The following PARD6G variants were observed in gnomAD, a reference collection of about 807,000 sequenced individuals.
PARD6G encodes the protein partitioning defective 6 homolog gamma.
PARD6G carries 7 observed loss-of-function variants against 10.7 expected under a neutral mutation model. That is an observed-to-expected ratio of 0.66 (90% confidence interval 0.37 to 1.23). The LOEUF is 1.23. PARD6G is among the 50% of genes most tolerant of loss of function. The pLI is 0.02. For missense variants in PARD6G, 548 were observed against 571.8 expected (o/e 0.96, Z 0.42); for synonymous variants, 287 against 269.4 (o/e 1.07, Z -0.64).
In PARD6G at chr18:80,192,506, CGGGGG is replaced by C. The variant is rs1568433594; in HGVS notation, c.295+10199_295+10203del. 6.8e-6 allele frequency among the ~76,000 whole-genome samples: 1 copy of C among 147,152 alleles called. No individual in the cohort carries two copies. Among genetic ancestry groups the C allele is most frequent in the African/African-American group, 2.5e-5 (1 of 39,854 alleles). ...GGTGCCACGGCGGGAGCCCAGGGGA[CGGGGG>C]AGAGCAGGTGCCACGGCGGGAGCCC... On this transcript the variant is annotated intron_variant, in intron 2 of 2. Coordinates refer to ENST00000353265, the MANE Select transcript of PARD6G (RefSeq NM_032510.4). This position sits in a 1 kb window ranked among gnomAD's most constrained non-coding sequence, Gnocchi z 4.9.
intron 1 of PARD6G, among the ~76,000 whole-genome samples, chr18:80,226,029 ACT>A (rs1206341244): frequency 5.3e-5 from 8 of 151,678 alleles, no homozygotes; most frequent in Non-Finnish European, 1.2e-4. Context: ...AGGATCATAC[ACT>A]GTTATATTTT....
chr18:80,235,188 C>T (rs891008178), intron 1 of PARD6G, among the ~76,000 whole-genome samples: 18 of 152,134 alleles, frequency 1.2e-4, no homozygotes, highest in African/African-American at 4.3e-4. Flanking sequence ...CAAACTAGAA[C>T]TCAGGATTAA....
chr18:80,225,145 G>C (rs142142042), intron 1 of PARD6G, among the ~76,000 whole-genome samples: 1 of 152,188 alleles, frequency 6.6e-6, no homozygotes, highest in Non-Finnish European at 1.5e-5. Flanking sequence ...CTGCGGCACC[G>C]TTTCTCAGTC....
chr18:80,210,647 TAA>T (rs1041046529), intron 1 of PARD6G, among the ~76,000 whole-genome samples: 1 of 152,004 alleles, frequency 6.6e-6, no homozygotes, highest in African/African-American at 2.4e-5. Flanking sequence ...GATCAAAGTT[TAA>T]AAAAAAGTTT....
chr18:80,220,803 GT>G (rs1365285117), intron 1 of PARD6G, among the ~76,000 whole-genome samples: 1 of 151,990 alleles, frequency 6.6e-6, no homozygotes, highest in Non-Finnish European at 1.5e-5. Context: ...TAGAGATGGA[GT>G]TTCACCATGT....
chr18:80,161,326 T>TCTC lies in PARD6G; in HGVS notation c.296-723_296-721dup, dbSNP rs1284058598. The stretch of plus-strand genomic sequence containing the variant: ...CAGCCTCCCATGGGGGCTGTGCAGC[T>TCTC]CTCTTCCTCAGGTCTCCCAGGGACC... On this transcript the variant is annotated intron_variant, in intron 2 of 2. Transcript: ENST00000353265. The surrounding 1 kb of genome is among the most constrained non-coding windows in gnomAD (Gnocchi z 4.6). Among the ~76,000 whole-genome samples the TCTC allele has an allele frequency of 6.6e-6, 1 of 152,074 alleles. No homozygotes were observed. The highest frequency in any genetic ancestry group is 1.5e-5 in the Non-Finnish European group (1 of 68,010).
intron 2 of PARD6G, among the ~76,000 whole-genome samples, chr18:80,164,902 C>T (rs910434347): frequency 2.0e-5 from 3 of 152,108 alleles, no homozygotes; most frequent in South Asian, 2.1e-4. Context: ...GTACTAATAA[C>T]GGTCTAACAA....
Position 80,239,337 on chromosome 18 carries a change from G to A in PARD6G, c.72+7940C>T, listed in dbSNP as rs572108319. Among the ~76,000 whole-genome samples the A allele has an allele frequency of 2.0e-5, 3 of 152,292 alleles. No individual in the cohort carries two copies. The South Asian group carries it at 6.2e-4, about 32-fold the overall frequency. The stretch of plus-strand genomic sequence containing the variant: ...GTGTGCCCAGGCAACTCTGCAAGAG[G>A]AAGTGTGTAGGGCTGCTGGTCTACA... On this transcript the variant is annotated intron_variant, in intron 1 of 2. Coordinates refer to ENST00000353265, the MANE Select transcript of PARD6G (RefSeq NM_032510.4).
chr18:80,215,647 AAAC>A (rs1374881732), intron 1 of PARD6G, among the ~76,000 whole-genome samples: 2 of 152,302 alleles, frequency 1.3e-5, no homozygotes, highest in Admixed American at 6.5e-5. Context: ...CAGTAAAAAG[AAAC>A]AACAAAGAAA....
Position 80,201,312 on chromosome 18 carries a change from G to A in PARD6G, c.295+1398C>T, listed in dbSNP as rs1967005079. 6.6e-6 allele frequency among the ~76,000 whole-genome samples: 1 copy of A among 152,192 alleles called. No individual in the cohort carries two copies. The highest frequency in any genetic ancestry group is 2.1e-4 in the South Asian group (1 of 4,818). Reference sequence around the variant, plus strand: ...TAGAGAGTTCCAGGGCAGGGGGCAGGGGGCACAGGCCTCCATTCCAGGACC... The same window carrying A: ...TAGAGAGTTCCAGGGCAGGGGGCAGAGGGCACAGGCCTCCATTCCAGGACC... On this transcript the variant is annotated intron_variant, in intron 2 of 2. Transcript: ENST00000353265. This position sits in a 1 kb window ranked among gnomAD's most constrained non-coding sequence, Gnocchi z 5.9.
Position 80,159,651 on chromosome 18 carries a change from A to C in PARD6G, c.*120T>G. 7.8e-7 allele frequency: 1 copy of C among 1,289,898 alleles called. No individual in the cohort carries two copies. The highest frequency in any genetic ancestry group is 9.9e-7 in the Non-Finnish European group (1 of 1,013,322). 79.9% of individuals were successfully genotyped at this position (1,289,898 alleles called of 1,614,324 possible). ...TGTTTTTATATCCGGAAGTTGAAAC[A>C]AAGAGCAGCGTTGTTTTTGTGGTCA... On this transcript the variant is annotated 3_prime_UTR_variant, in exon 3 of 3. Coordinates refer to ENST00000353265, the MANE Select transcript of PARD6G (RefSeq NM_032510.4).
chr18:80,183,192 G>C lies in PARD6G; in HGVS notation c.295+19518C>G. On this transcript the variant is annotated intron_variant, in intron 2 of 2. Transcript: ENST00000353265. This position sits in a 1 kb window ranked among gnomAD's most constrained non-coding sequence, Gnocchi z 4.5. ...GAAGAAGTGGAGGGCCTTGCAATGT[G>C]AAAGGGTGGGAGAGAGAAAGCCAGA... is the stretch of plus-strand genomic sequence containing the variant. The C allele has an allele frequency of 1.4e-6, 1 of 702,988 alleles. No homozygotes were observed. The highest frequency in any genetic ancestry group is 2.6e-6 in the Non-Finnish European group (1 of 384,988). 43.5% of individuals were successfully genotyped at this position (702,988 alleles called of 1,614,324 possible). A position where few individuals can be genotyped will look rare whatever the true frequency, so the allele number is the denominator to read the frequency against.
chr18:80,227,529 A>C (rs75374643), intron 1 of PARD6G, among the ~76,000 whole-genome samples: 2,040 of 152,374 alleles, frequency 0.013, 22 homozygotes, highest in Non-Finnish European at 0.023. Context: ...GGGTGACAAG[A>C]GGCAAGGCTG....
chr18:80,164,059 T>C (rs1203028082), intron 2 of PARD6G, among the ~76,000 whole-genome samples: 2 of 152,128 alleles, frequency 1.3e-5, no homozygotes, highest in African/African-American at 4.8e-5. Context: ...CTGCTCTGTC[T>C]GTACAAAGAT....
intron 2 of PARD6G, chr18:80,162,177 TC>T (rs2052704813): frequency 6.6e-6 from 1 of 152,084 alleles, no homozygotes; most frequent in South Asian, 2.1e-4. Flanking sequence ...CACATGCTGC[TC>T]AGTGACGGAA....
Position 80,247,425 on chromosome 18 carries a change from C to G in PARD6G, c.-77G>C. ...GAAAGACTCCCGGGGGCGGCGCCCC[C>G]AGGCCCCGGCCCCGGCCCCGGCCCG... On this transcript the variant is annotated 5_prime_UTR_variant, in exon 1 of 3. Transcript: ENST00000353265. The surrounding 1 kb of genome is among the most constrained non-coding windows in gnomAD (Gnocchi z 4.2). 4.0e-6 allele frequency: 5 copies of G among 1,241,864 alleles called. No homozygotes were observed. Among genetic ancestry groups the G allele is most frequent in the Non-Finnish European group, 5.4e-6 (5 of 922,734 alleles). The allele number at this position is 1,241,864 out of a possible 1,614,324, so 76.9% of individuals were successfully genotyped here. A position where few individuals can be genotyped will look rare whatever the true frequency, so the allele number is the denominator to read the frequency against.
At chr18:80,229,199 A>G (rs905628540) in intron 1 of PARD6G, among the ~76,000 whole-genome samples, 35 of 152,164 alleles carry the variant, frequency 2.3e-4, no homozygotes, top group Admixed American at 5.9e-4. Flanking sequence ...CGGTCTCCCA[A>G]AGTGCTGGGA....
chr18:80,243,966 C>T (rs1026374072), intron 1 of PARD6G, among the ~76,000 whole-genome samples: 1 of 152,140 alleles, frequency 6.6e-6, no homozygotes, highest in African/African-American at 2.4e-5. Flanking sequence ...CTGGATTTTT[C>T]AAGCTCATGC....
intron 2 of PARD6G, among the ~76,000 whole-genome samples, chr18:80,186,692 A>G (rs1187640805): frequency 2.0e-5 from 3 of 152,194 alleles, no homozygotes; most frequent in Non-Finnish European, 4.4e-5. Context: ...AGCAAGTGCT[A>G]ATCAGCATTT....
Sources: gnomAD v4.1 joint callset for allele counts (sites outside exome capture counted in the v4.1 genomes callset) on GRCh38, gnomAD v4.1.1 for gene constraint, Gnocchi (gnomAD v3.1) non-coding constraint, MANE v1.5 for transcripts, NCBI Gene and HGNC (gene_info 2026-07-23, HGNC 2026-07-21) for gene names.